The following IGSF10 variants were observed in gnomAD, a reference collection of about 807,000 sequenced individuals.
IGSF10 encodes calvaria mechanical force protein 608.
A neutral mutation model predicts 128.2 loss-of-function variants in IGSF10; 126 were observed. That is an observed-to-expected ratio of 0.98 (90% CI 0.85 to 1.14). IGSF10 has a LOEUF of 1.14. Ranked by LOEUF, IGSF10 falls within the 50% of genes most tolerant of loss-of-function variation. IGSF10 has a pLI of 0.00. For synonymous variants in IGSF10, 1,185 were observed against 1,146.2 expected, an observed-to-expected ratio of 1.03 and a Z score of -0.68; for missense variants, 3,295 against 3,149.8, an observed-to-expected ratio of 1.05 and a Z score of -1.10.
At chr3:151,607,414 A>G in the IGSF10 span, among the ~76,000 whole-genome samples, 1 of 152,056 alleles carries the variant, frequency 6.6e-6, no homozygotes. Context: ...AAAAAAAACC[A>G]CTAATAACAA....
At position 151,445,399 on chromosome 3, in the gene IGSF10, C is replaced by G. The variant is rs1211772105; in HGVS notation, c.4582G>C (p.Val1528Leu). 3 of 1,614,088 alleles carry G rather than the reference C, an allele frequency of 1.9e-6. No individual in the cohort carries two copies. ...LVAEVATSPK[V>L]HPNAKFTIGT... Reference sequence around the variant, plus strand: ...ATTGTGAACTTGGCATTTGGGTGAACCTTGGGGGATGTTGCAACCTCTGCT... The same window carrying G: ...ATTGTGAACTTGGCATTTGGGTGAAGCTTGGGGGATGTTGCAACCTCTGCT... The change falls in exon 6 of 8, where the codon GTT (valine) becomes CTT (leucine). Residue 1528 changes from valine (V) to leucine (L), a missense_variant. Transcript: ENST00000282466.
chr3:151,488,705 C>T, the IGSF10 span, among the ~76,000 whole-genome samples: 1 of 152,036 alleles, frequency 6.6e-6, no homozygotes, highest in African/African-American at 2.4e-5. Flanking sequence ...ACAAACCTGA[C>T]AAAAACAAGC....
chr3:151,543,053 CT>C, the IGSF10 span, among the ~76,000 whole-genome samples: 2 of 152,120 alleles, frequency 1.3e-5, no homozygotes, highest in Non-Finnish European at 2.9e-5. Flanking sequence ...ACTAATTCCC[CT>C]AGTCAATTTT....
At chr3:151,499,231 G>T in the IGSF10 span, among the ~76,000 whole-genome samples, 1 of 151,788 alleles carries the variant, frequency 6.6e-6, no homozygotes, top group South Asian at 2.1e-4. Flanking sequence ...TATTTTATTT[G>T]ACTAAAAAAG....
the IGSF10 span, among the ~76,000 whole-genome samples, chr3:151,610,722 G>T: frequency 1.3e-5 from 2 of 152,112 alleles, no homozygotes; most frequent in Non-Finnish European, 2.9e-5. Context: ...GGTTCTGGAG[G>T]CTGGGAAGTT....
rs1044158233 is a variant in IGSF10 at position 151,437,149 on chromosome 3, C to G, written c.7412G>C (p.Gly2471Ala). 12 of 1,614,036 alleles carry G rather than the reference C, an allele frequency of 7.4e-6. No homozygotes were observed. Among genetic ancestry groups the G allele is most frequent in the Admixed American group, 5.0e-5 (3 of 60,002 alleles). ...KPNIKWTMPSGYVVDRPQING... is the reference protein window; with the variant it reads ...KPNIKWTMPSAYVVDRPQING... ...AATTTGAGGCCTGTCTACTACATAA[C>G]CACTTGGCATAGTCCATTTGATATT... The change falls in exon 8 of 8, where the codon GGT becomes GCT. Residue 2471 changes from glycine to alanine, a missense_variant. Gly to Ala is a moderately conservative substitution (Grantham distance 60). Transcript: ENST00000282466.
intron 6 of IGSF10, among the ~76,000 whole-genome samples, chr3:151,444,698 G>T (rs1721079192): frequency 6.6e-6 from 1 of 152,108 alleles, no homozygotes; most frequent in South Asian, 2.1e-4. Flanking sequence ...ATATTACTTT[G>T]AATCAGCTTT....
the IGSF10 span, among the ~76,000 whole-genome samples, chr3:151,513,166 A>G: frequency 6.6e-6 from 1 of 152,200 alleles, no homozygotes; most frequent in African/African-American, 2.4e-5. Flanking sequence ...AACAAAAAAA[A>G]GAGAATTTTA....
chr3:151,566,228 G>T, the IGSF10 span, among the ~76,000 whole-genome samples: 6 of 152,008 alleles, frequency 3.9e-5, no homozygotes, highest in African/African-American at 1.5e-4. Context: ...TTATGAATTA[G>T]GAAGCAGGGA....
chr3:151,611,646 A>G, the IGSF10 span, among the ~76,000 whole-genome samples: 1 of 152,206 alleles, frequency 6.6e-6, no homozygotes, highest in Non-Finnish European at 1.5e-5. Flanking sequence ...GAAACTTTCC[A>G]TCAGCTTTCT....
At chr3:151,494,581 G>A in the IGSF10 span, among the ~76,000 whole-genome samples, 7 of 152,036 alleles carry the variant, frequency 4.6e-5, no homozygotes, top group Non-Finnish European at 8.8e-5. Flanking sequence ...ACGACTCAGG[G>A]TTGCAATTCT....
Position 151,447,564 on chromosome 3 carries a change from A to C in IGSF10, c.2417T>G (p.Phe806Cys), listed in dbSNP as rs946580731. ...SSGMLALHEE[F>C]MVPATKALNL... is the part of the protein sequence containing the mutation. ...CAAAGCTTTAGTGGCCGGGACCATAAATTCCTCATGTAGAGCGAGCATGCC... is the reference window on the plus strand; with the variant it reads ...CAAAGCTTTAGTGGCCGGGACCATACATTCCTCATGTAGAGCGAGCATGCC... The change falls in exon 6 of 8, where the codon TTT becomes TGT. Residue 806 changes from phenylalanine (F) to cysteine (C), a missense_variant. Physicochemically the swap from Phe to Cys is radical, Grantham distance 205. Transcript: ENST00000282466. 6.2e-7 allele frequency: 1 copy of C among 1,614,134 alleles called. No homozygotes were observed. The highest frequency in any genetic ancestry group is 2.2e-5 in the East Asian group (1 of 44,884).
the IGSF10 span, among the ~76,000 whole-genome samples, chr3:151,481,625 G>A: frequency 1.8e-4 from 28 of 152,068 alleles, no homozygotes; most frequent in Non-Finnish European, 2.6e-4. Flanking sequence ...GCCTCAGAAA[G>A]TGAACATGCA....
upstream of IGSF10, among the ~76,000 whole-genome samples, chr3:151,465,664 C>T (rs1722255740): frequency 6.6e-6 from 1 of 152,140 alleles, no homozygotes; most frequent in African/African-American, 2.4e-5. Flanking sequence ...CTGATTTCTC[C>T]AGGAAGCTCA....
chr3:151,615,361 A>G, the IGSF10 span, among the ~76,000 whole-genome samples: 358 of 152,226 alleles, frequency 2.4e-3, 2 homozygotes, highest in Non-Finnish European at 1.2e-3. Context: ...CCATATAAAT[A>G]CAGACTTAAT....
chr3:151,443,202 A>C lies in IGSF10; in HGVS notation c.5745T>G (p.Tyr1915Ter). 6.2e-7 allele frequency: 1 copy of C among 1,614,170 alleles called. No individual in the cohort carries two copies. Among genetic ancestry groups the C allele is most frequent in the South Asian group, 1.1e-5 (1 of 91,082 alleles). Reference sequence around the variant, plus strand: ...CAGTGGAACTGGTAGCAATGCATTCATAAGTGCCCCTGTCTGAAGAGGCTA... The same window carrying C: ...CAGTGGAACTGGTAGCAATGCATTCCTAAGTGCCCCTGTCTGAAGAGGCTA... ...RNLASSDRGT[Y>*]ECIATSSTGS... Residue 1915 changes from tyrosine (Y) to a stop codon, truncating the protein, a stop_gained, in exon 7 of 8, where the codon TAT becomes TAG. Coordinates refer to ENST00000282466, the MANE Select transcript of IGSF10 (RefSeq NM_178822.5). LOFTEE classifies it high-confidence loss of function.
At chr3:151,577,613 T>A in the IGSF10 span, among the ~76,000 whole-genome samples, 1 of 152,024 alleles carries the variant, frequency 6.6e-6, no homozygotes, top group Admixed American at 6.6e-5. Context: ...TCTGAGAATG[T>A]TGAAAATTGG....
chr3:151,538,586 A>G, the IGSF10 span, among the ~76,000 whole-genome samples: 76 of 152,302 alleles, frequency 5.0e-4, 1 homozygote, highest in South Asian at 8.3e-4. Flanking sequence ...TCCAATATTT[A>G]AACAAACACA....
Position 151,448,860 on chromosome 3 carries a change from A to C in IGSF10, c.1121T>G (p.Val374Gly), listed in dbSNP as rs978761756. 25 of 1,613,994 alleles carry C rather than the reference A, an allele frequency of 1.5e-5. No homozygotes were observed. Among genetic ancestry groups the C allele is most frequent in the Non-Finnish European group, 2.0e-5 (24 of 1,179,812 alleles). The change falls in exon 6 of 8, where the codon GTG (valine) becomes GGG (glycine). Residue 374 changes from valine to glycine, a missense_variant. Val to Gly is a moderately radical substitution (Grantham distance 109). Coordinates refer to ENST00000282466, the MANE Select transcript of IGSF10 (RefSeq NM_178822.5). ...CNIDYGHIQPVWQILALYSDS... is the reference protein window; with the variant it reads ...CNIDYGHIQPGWQILALYSDS... ...ACTGTACAAAGCCAAAATTTGCCAC[A>C]CTGGCTGAATGTGACCGTAATCTAT...
Sources: allele counts gnomAD v4.1 joint callset (sites outside exome capture counted in the v4.1 genomes callset), GRCh38; gene constraint gnomAD v4.1.1; transcripts MANE v1.5; gene names NCBI Gene and HGNC (gene_info 2026-07-23, HGNC 2026-07-21).